The following TANGO6 variants were observed in gnomAD, a reference collection of about 807,000 sequenced individuals.
TANGO6 encodes transport and golgi organization 6 homolog.
A neutral mutation model predicts 114.2 loss-of-function variants in TANGO6; 90 were observed. The ratio of observed to expected loss-of-function variants is 0.79; its 90% CI spans 0.66 to 0.94. The LOEUF is 0.94. Ranked by LOEUF, TANGO6 falls within the 40% of genes least tolerant of loss-of-function variation. The pLI, the probability that TANGO6 is intolerant of heterozygous loss-of-function variation, is 0.00. For missense variants in TANGO6, 1,274 were observed against 1,315.3 expected, an observed-to-expected ratio of 0.97 and a Z score of 0.49; for synonymous variants, 477 against 509.8, an observed-to-expected ratio of 0.94 and a Z score of 0.87.
At chr16:68,901,937 A>G (rs770691596) in intron 8 of TANGO6, among the ~76,000 whole-genome samples, 3 of 151,326 alleles carry the variant, frequency 2.0e-5, no homozygotes, top group Non-Finnish European at 4.4e-5. Context: ...TTTTGTTGGT[A>G]TGCTGTTTCT....
rs114382117 is a variant in TANGO6, at chr16:68,869,768, G to T, written c.994+2548G>T. 6.9e-3 allele frequency among the ~76,000 whole-genome samples: 1,051 copies of T among 152,288 alleles called. 14 individuals are homozygous for T. The highest frequency in any genetic ancestry group is 0.024 in the African/African-American group (979 of 41,554). On this transcript the variant is annotated intron_variant, in intron 4 of 17. Coordinates refer to ENST00000261778, the MANE Select transcript of TANGO6 (RefSeq NM_024562.2). Reference sequence around the variant, plus strand: ...ATGGCATTTAAACTGAGCCCTGAAGGCTGAGTTGGAATTAACTAGCTGAAG... The same window carrying T: ...ATGGCATTTAAACTGAGCCCTGAAGTCTGAGTTGGAATTAACTAGCTGAAG...
At chr16:69,023,996 CT>C (rs893832494) in intron 16 of TANGO6, among the ~76,000 whole-genome samples, 33 of 152,050 alleles carry the variant, frequency 2.2e-4, no homozygotes, top group African/African-American at 7.7e-4. Flanking sequence ...CAACCTCCGC[CT>C]CCTGGGTTCA....
At chr16:68,902,182 C>A in intron 8 of TANGO6, 146 bp from the exon 9 acceptor site, 1 of 620,602 alleles carries the variant, frequency 1.6e-6, no homozygotes, top group Non-Finnish European at 2.5e-6. Context: ...GCATACTTTC[C>A]ATTCCTGCAT....
At chr16:68,901,133 A>G (rs770476423) in intron 8 of TANGO6, among the ~76,000 whole-genome samples, 12 of 152,230 alleles carry the variant, frequency 7.9e-5, no homozygotes, top group Non-Finnish European at 1.2e-4. Flanking sequence ...CTCAAGTCCT[A>G]TAGAATTACG....
intron 14 of TANGO6, among the ~76,000 whole-genome samples, chr16:68,956,563 C>G (rs575795605): frequency 3.3e-5 from 5 of 152,242 alleles, no homozygotes; most frequent in Non-Finnish European, 7.4e-5. Flanking sequence ...AAGAAAACCT[C>G]TATCTGAGGC....
intron 17 of TANGO6, among the ~76,000 whole-genome samples, chr16:69,067,228 G>T (rs1485521899): frequency 6.6e-6 from 1 of 152,098 alleles, no homozygotes; most frequent in African/African-American, 2.4e-5. Context: ...ATTAGCTGAG[G>T]CTGGGCACGG....
At chr16:68,855,166 A>G (rs1399722539) in intron 1 of TANGO6, among the ~76,000 whole-genome samples, 2 of 150,676 alleles carry the variant, frequency 1.3e-5, no homozygotes, top group East Asian at 2.0e-4. Context: ...GAGATCCGCC[A>G]TTGCACTCCA....
At chr16:69,082,887 G>A in intron 17 of TANGO6, among the ~76,000 whole-genome samples, 1 of 152,112 alleles carries the variant, frequency 6.6e-6, no homozygotes, top group East Asian at 1.9e-4. Flanking sequence ...TTGCCTGTCT[G>A]TGGTCCTGAG....
intron 7 of TANGO6, among the ~76,000 whole-genome samples, chr16:68,881,904 T>C (rs1238119249): frequency 6.6e-6 from 1 of 152,114 alleles, no homozygotes; most frequent in Non-Finnish European, 1.5e-5. Flanking sequence ...TCTAGCACTT[T>C]GGGAGGCCAA....
At chr16:68,968,401 G>A (rs1963666609) in intron 14 of TANGO6, among the ~76,000 whole-genome samples, 1 of 143,882 alleles carries the variant, frequency 7.0e-6, no homozygotes, top group East Asian at 2.1e-4. Context: ...TTTCACTCTT[G>A]TTTCCCAGGT....
At chr16:69,022,521 T>C (rs1288133287) in intron 15 of TANGO6, among the ~76,000 whole-genome samples, 1 of 152,022 alleles carries the variant, frequency 6.6e-6, no homozygotes, top group African/African-American at 2.4e-5. Flanking sequence ...CTGAGCAACA[T>C]GGCAAAACCC....
At chr16:68,866,851 C>T (rs1042490189) in intron 3 of TANGO6, among the ~76,000 whole-genome samples, 6 of 151,640 alleles carry the variant, frequency 4.0e-5, no homozygotes, top group East Asian at 3.9e-4. Context: ...GCAGGAGAAT[C>T]GCTTGAACCC....
intron 14 of TANGO6, among the ~76,000 whole-genome samples, chr16:68,966,919 G>A (rs1329881976): frequency 6.6e-6 from 1 of 151,952 alleles, no homozygotes; most frequent in Non-Finnish European, 1.5e-5. Flanking sequence ...ATACACGTAT[G>A]CACCACCATG....
At chr16:68,926,284 C>A (rs907818151) in intron 12 of TANGO6, among the ~76,000 whole-genome samples, 1 of 151,780 alleles carries the variant, frequency 6.6e-6, no homozygotes, top group Non-Finnish European at 1.5e-5. Context: ...ACCTGAGGTC[C>A]GGAGTTCAAG....
chr16:68,959,210 G>T (rs1386324008), intron 14 of TANGO6, among the ~76,000 whole-genome samples: 1 of 152,120 alleles, frequency 6.6e-6, no homozygotes, highest in South Asian at 2.1e-4. Flanking sequence ...CACAATGATC[G>T]CTTTTTCCAA....
At chr16:68,974,310 G>C in intron 15 of TANGO6, 142 bp downstream of exon 15, 1 of 924,062 alleles carries the variant, frequency 1.1e-6, no homozygotes, top group Non-Finnish European at 1.6e-6. Context: ...TAGGAATTTA[G>C]GAAATATTCC....
rs1962767866 is a variant in TANGO6, at chr16:68,900,520, T to C, written c.1464T>C (p.Phe488=). The change falls in exon 8 of 18, where the codon TTT becomes TTC. Residue 488 remains phenylalanine (F), a synonymous_variant. Transcript: ENST00000261778. ...GAGTGCTTTTTCTTCTCTACTGTTT[T>C]ACTAAGCAGAGTGTGTCTCACATAA... ...VLGVLFLLYC[F]TKQSVSHIRS... 1 of 1,613,730 alleles carries C rather than the reference T, an allele frequency of 6.2e-7. No individual in the cohort carries two copies. The highest frequency in any genetic ancestry group is 1.7e-5 in the Admixed American group (1 of 60,004).
intron 4 of TANGO6, among the ~76,000 whole-genome samples, chr16:68,869,434 C>T (rs913947156): frequency 1.3e-5 from 2 of 152,196 alleles, no homozygotes; most frequent in African/African-American, 4.8e-5. Flanking sequence ...GCCATGATCA[C>T]ACCACTGCAC....
intron 17 of TANGO6, among the ~76,000 whole-genome samples, chr16:69,073,232 TAC>T (rs776873383): frequency 2.2e-4 from 34 of 152,186 alleles, no homozygotes; most frequent in South Asian, 1.0e-3. Context: ...AGCTGGAACT[TAC>T]TAAAGTTCCC....
Sources: allele counts gnomAD v4.1 joint callset (sites outside exome capture counted in the v4.1 genomes callset), GRCh38; gene constraint gnomAD v4.1.1; transcripts MANE v1.5; gene names NCBI Gene and HGNC (gene_info 2026-07-23, HGNC 2026-07-21).